TRIM33: variants seen among roughly 807,000 people sequenced by gnomAD.
TRIM33 encodes the protein tripartite motif containing 33.
Under a neutral mutation model 125.4 loss-of-function variants are expected in TRIM33, and 20 were observed. The observed-to-expected ratio is 0.16, with a 90% CI of 0.11 to 0.23. TRIM33 has a LOEUF of 0.23. Ranked by LOEUF, TRIM33 falls within the 10% of genes least tolerant of loss-of-function variation. TRIM33 has a pLI of 1.00. For synonymous variants in TRIM33, 564 were observed against 513.9 expected, an observed-to-expected ratio of 1.10 and a Z score of -1.32; for missense variants, 920 against 1,411.4, an observed-to-expected ratio of 0.65 and a Z score of 5.58.
chr1:114,484,387 T>C (rs1001882326), intron 1 of TRIM33, among the ~76,000 whole-genome samples: 5 of 152,208 alleles, frequency 3.3e-5, no homozygotes, highest in African/African-American at 1.2e-4. Context: ...ACCTGCAAAT[T>C]GTTTCATTTG....
chr1:114,504,171 TTTA>T (rs1652865296), intron 1 of TRIM33, among the ~76,000 whole-genome samples: 1 of 152,068 alleles, frequency 6.6e-6, no homozygotes, highest in East Asian at 1.9e-4. Context: ...TTTTATTTTT[TTTA>T]TTTTTTTAAA....
chr1:114,506,479 C>G (rs1048007818), intron 1 of TRIM33, among the ~76,000 whole-genome samples: 1 of 151,596 alleles, frequency 6.6e-6, no homozygotes, highest in Non-Finnish European at 1.5e-5. Context: ...GTAGCCTCAT[C>G]TCCTTCAAGA....
intron 1 of TRIM33, among the ~76,000 whole-genome samples, chr1:114,497,377 A>G (rs748261045): frequency 5.5e-4 from 83 of 152,012 alleles, no homozygotes; most frequent in Non-Finnish European, 1.1e-3. Flanking sequence ...GCTCACTGTA[A>G]CCTCTGCCTC....
At chr1:114,400,201 G>T (rs1380310426) in intron 17 of TRIM33, among the ~76,000 whole-genome samples, 1 of 152,170 alleles carries the variant, frequency 6.6e-6, no homozygotes, top group Non-Finnish European at 1.5e-5. Context: ...TTTATTGACT[G>T]ATTGACTAAT....
intron 1 of TRIM33, among the ~76,000 whole-genome samples, chr1:114,472,809 A>G (rs1257661702): frequency 6.6e-6 from 1 of 152,188 alleles, no homozygotes; most frequent in African/African-American, 2.4e-5. Flanking sequence ...AACTTTAAAG[A>G]TATACACTGT....
At chr1:114,496,724 C>T (rs1474450344) in intron 1 of TRIM33, among the ~76,000 whole-genome samples, 4 of 152,174 alleles carry the variant, frequency 2.6e-5, no homozygotes, top group Non-Finnish European at 4.4e-5. Context: ...TAACTCACCA[C>T]AGGTGAAGAG....
chr1:114,401,191 C>T (rs1029346657), intron 17 of TRIM33, among the ~76,000 whole-genome samples, 198 bp downstream of exon 17: 3 of 152,098 alleles, frequency 2.0e-5, no homozygotes, highest in Non-Finnish European at 2.9e-5. Context: ...TGCCCGCCAC[C>T]GTGCCCGGCT....
At chr1:114,424,928 A>G (rs998993326) in intron 9 of TRIM33, among the ~76,000 whole-genome samples, 173 bp from the exon 10 acceptor site, 1 of 152,226 alleles carries the variant, frequency 6.6e-6, no homozygotes. Context: ...ACTAGTTTGT[A>G]TATCACTCCC....
intron 18 of TRIM33, 119 bp downstream of exon 18, chr1:114,399,314 CTGTTAATACAATCAGATGTTACTT>C (rs1333201640): frequency 1.7e-6 from 1 of 585,576 alleles, no homozygotes; most frequent in African/African-American, 1.9e-5. Flanking sequence ...TTCACTGGAG[CTGTTAATACAATCAGATGTTACTT>C]TTGACAGGAC....
In TRIM33 at chr1:114,397,711, T is replaced by C. The variant is rs369183214; in HGVS notation, c.3321A>G (p.Glu1107=). The C allele has an allele frequency of 9.3e-6, 15 of 1,613,326 alleles. No individual in the cohort carries two copies. The highest frequency in any genetic ancestry group is 1.3e-5 in the Non-Finnish European group (15 of 1,179,838). Residue 1107 remains glutamate (E), a synonymous_variant, in exon 20 of 20, where the codon GAA becomes GAG. Transcript: ENST00000358465. ...GTTTTCTGCGGGGCTGTATAAAGTCTTCATCAGAGTCCTCAGTTACCTCAC... is the reference window on the plus strand; with the variant it reads ...GTTTTCTGCGGGGCTGTATAAAGTCCTCATCAGAGTCCTCAGTTACCTCAC... ...DDGEVTEDSD[E]DFIQPRRKRL...
chr1:114,492,567 ACT>A (rs1048894579), intron 1 of TRIM33, among the ~76,000 whole-genome samples: 3 of 151,174 alleles, frequency 2.0e-5, no homozygotes, highest in African/African-American at 7.3e-5. Context: ...ATCCTAAACA[ACT>A]CTCTATTCCC....
chr1:114,398,395 T>C (rs2101075176), intron 18 of TRIM33, among the ~76,000 whole-genome samples: 1 of 152,346 alleles, frequency 6.6e-6, no homozygotes, highest in Non-Finnish European at 1.5e-5. Context: ...TATTTATTAC[T>C]GAGGCAGGAA....
At chr1:114,401,762 T>TAATA (rs1448270596) in intron 16 of TRIM33, among the ~76,000 whole-genome samples, 1 of 152,174 alleles carries the variant, frequency 6.6e-6, no homozygotes, top group Non-Finnish European at 1.5e-5. Flanking sequence ...AATTACTTGG[T>TAATA]AATAAATAAA....
rs74638235 is a variant in TRIM33 at position 114,406,676 on chromosome 1, G to A, written c.2418+265C>T. Among the ~76,000 whole-genome samples, 249 of 152,222 alleles carry A rather than the reference G, an allele frequency of 1.6e-3. 2 individuals carry two copies. The South Asian group carries it at 0.022, about 13-fold the overall frequency. ...TCAGGACAAGATACAATCTGATTTAGCATCATGGGAAGAATATTGACTAAA... is the reference window on the plus strand; with the variant it reads ...TCAGGACAAGATACAATCTGATTTAACATCATGGGAAGAATATTGACTAAA... On this transcript the variant is annotated intron_variant, in intron 14 of 19. Coordinates refer to ENST00000358465, the MANE Select transcript of TRIM33 (RefSeq NM_015906.4).
chr1:114,486,450 C>T (rs912709871), intron 1 of TRIM33, among the ~76,000 whole-genome samples: 3 of 147,886 alleles, frequency 2.0e-5, no homozygotes, highest in Non-Finnish European at 3.0e-5. Flanking sequence ...GGAGAAACTC[C>T]GTTTCTAACA....
At chr1:114,432,250 G>A (rs1648003181) in intron 5 of TRIM33, among the ~76,000 whole-genome samples, 2 of 152,092 alleles carry the variant, frequency 1.3e-5, no homozygotes, top group African/African-American at 4.8e-5. Flanking sequence ...CTTATACAAT[G>A]TACACACAAA....
intron 15 of TRIM33, among the ~76,000 whole-genome samples, chr1:114,403,476 T>A (rs1463325200): frequency 6.6e-6 from 1 of 152,068 alleles, no homozygotes; most frequent in Non-Finnish European, 1.5e-5. Context: ...GTTCAAGCGA[T>A]TCTTGTACCT....
chr1:114,430,702 A>C, intron 6 of TRIM33, 96 bp downstream of exon 6: 3 of 737,450 alleles, frequency 4.1e-6, no homozygotes, highest in Non-Finnish European at 7.1e-6. Flanking sequence ...TTATTTCCAT[A>C]CCCCCCAATC....
At chr1:114,419,211 A>AC (rs1320296177) in intron 11 of TRIM33, among the ~76,000 whole-genome samples, 1 of 151,342 alleles carries the variant, frequency 6.6e-6, no homozygotes, top group African/African-American at 2.4e-5. Flanking sequence ...AAAAAAAAAA[A>AC]AAAAAAAAAA....
Sources: allele counts gnomAD v4.1 joint callset (sites outside exome capture counted in the v4.1 genomes callset), GRCh38; gene constraint gnomAD v4.1.1; transcripts MANE v1.5; gene names NCBI Gene and HGNC (gene_info 2026-07-23, HGNC 2026-07-21).